The following PTBP3 variants were observed in gnomAD, a reference collection of about 807,000 sequenced individuals.
The protein encoded by PTBP3 is polypyrimidine tract binding protein 3.
PTBP3 carries 20 observed loss-of-function variants against 58.7 expected under a neutral mutation model. The observed-to-expected ratio is 0.34, with a 90% CI of 0.24 to 0.50. The LOEUF is 0.50. Ranked by LOEUF, PTBP3 falls within the 20% of genes least tolerant of loss-of-function variation. PTBP3 has a pLI of 0.98. For missense variants in PTBP3, 509 were observed against 637.2 expected, an observed-to-expected ratio of 0.80 and a Z score of 2.17; for synonymous variants, 185 against 219.8, an observed-to-expected ratio of 0.84 and a Z score of 1.40.
chr9:112,352,772 T>C, the PTBP3 span, among the ~76,000 whole-genome samples: 7 of 152,216 alleles, frequency 4.6e-5, no homozygotes, highest in Non-Finnish European at 8.8e-5. Flanking sequence ...TCACAGTCTG[T>C]AATGGGTCAT....
At chr9:112,350,052 T>G in the PTBP3 span, among the ~76,000 whole-genome samples, 2 of 151,848 alleles carry the variant, frequency 1.3e-5, no homozygotes, top group Non-Finnish European at 2.9e-5. Context: ...TTTTTTAAAT[T>G]TATGTACCAT....
chr9:112,324,222 A>C (rs1377881069), intron 1 of PTBP3, among the ~76,000 whole-genome samples: 1 of 152,182 alleles, frequency 6.6e-6, no homozygotes, highest in Non-Finnish European at 1.5e-5. Context: ...AAACCAAGAG[A>C]ATTCATGTCA....
rs1174870842 is a variant in PTBP3, at chr9:112,252,938, A to G, written c.517-150T>C. 4.7e-5 allele frequency: 28 copies of G among 594,864 alleles called. No individual in the cohort carries two copies. In the South Asian group the frequency reaches 5.3e-4, roughly 11 times the overall value. The allele number at this position is 594,864 out of a possible 1,614,324, so 36.8% of individuals were successfully genotyped here. ...AATGACTTAAGCCTAAAACATTAAC[A>G]TTTCAATACCCATGACTATCTTACA... On this transcript the variant is annotated intron_variant, in intron 5 of 13. Coordinates refer to ENST00000374257, the MANE Select transcript of PTBP3 (RefSeq NM_001163788.4).
At chr9:112,257,110 C>CTGTTGAAGTT (rs1257223289) in intron 5 of PTBP3, among the ~76,000 whole-genome samples, 9 of 152,180 alleles carry the variant, frequency 5.9e-5, no homozygotes, top group Non-Finnish European at 1.2e-4. Flanking sequence ...AAAGCACATC[C>CTGTTGAAGTT]TGGGACAGCT....
At chr9:112,329,381 T>C (rs1423843768) in intron 1 of PTBP3, among the ~76,000 whole-genome samples, 1 of 150,270 alleles carries the variant, frequency 6.7e-6, no homozygotes, top group Non-Finnish European at 1.5e-5. Context: ...GTACCACTGT[T>C]CCCCAGCCTG....
intron 1 of PTBP3, among the ~76,000 whole-genome samples, chr9:112,332,595 C>A (rs1003872807): frequency 6.6e-6 from 1 of 152,032 alleles, no homozygotes; most frequent in Admixed American, 6.6e-5. Context: ...AATTAATTCA[C>A]CAAAATCCTA....
intron 1 of PTBP3, among the ~76,000 whole-genome samples, chr9:112,318,850 G>A (rs780607642): frequency 1.7e-4 from 26 of 151,908 alleles, no homozygotes; most frequent in Non-Finnish European, 2.9e-4. Flanking sequence ...TTTATGGGCC[G>A]GGCACAGTGG....
At chr9:112,367,855 T>C in the PTBP3 span, among the ~76,000 whole-genome samples, 6 of 152,208 alleles carry the variant, frequency 3.9e-5, no homozygotes, top group Non-Finnish European at 7.3e-5. Context: ...GGGAGTTTTC[T>C]GTCATTGTTT....
At position 112,223,665 on chromosome 9, in the gene PTBP3, C is replaced by T; in HGVS notation, c.*186G>A. 4.7e-6 allele frequency: 6 copies of T among 1,282,122 alleles called. No individual in the cohort carries two copies. The highest frequency in any genetic ancestry group is 3.9e-6 in the Non-Finnish European group (4 of 1,013,770). 79.4% of individuals were successfully genotyped at this position (1,282,122 alleles called of 1,614,324 possible). The stretch of plus-strand genomic sequence containing the variant: ...ACCATGGTAAAAAGGGAAAAGAAAC[C>T]TTTGACTGGCGGGGGCAGGGGGAAT... On this transcript the variant is annotated 3_prime_UTR_variant, in exon 14 of 14. Transcript: ENST00000374257.
At chr9:112,369,770 C>G in the PTBP3 span, among the ~76,000 whole-genome samples, 1 of 152,066 alleles carries the variant, frequency 6.6e-6, no homozygotes, top group South Asian at 2.1e-4. Flanking sequence ...AGGCCAGGGA[C>G]AGAATGATAT....
At position 112,223,606 on chromosome 9, in the gene PTBP3, G is replaced by C. The variant is rs777082684; in HGVS notation, c.*245C>G. On this transcript the variant is annotated 3_prime_UTR_variant, in exon 14 of 14. Coordinates refer to ENST00000374257, the MANE Select transcript of PTBP3 (RefSeq NM_001163788.4). ...ATTATTGAAAAAAAATTTTTTTCCTGATTTTCTTTTTCCTGAAGGTTATTT... is the reference window on the plus strand; with the variant it reads ...ATTATTGAAAAAAAATTTTTTTCCTCATTTTCTTTTTCCTGAAGGTTATTT... 2 of 1,192,276 alleles carry C rather than the reference G, an allele frequency of 1.7e-6. No homozygotes were observed. The highest frequency in any genetic ancestry group is 3.2e-5 in the African/African-American group (2 of 62,762). 73.9% of individuals were successfully genotyped at this position (1,192,276 alleles called of 1,614,324 possible). A position where few individuals can be genotyped will look rare whatever the true frequency, so the allele number is the denominator to read the frequency against.
chr9:112,320,287 A>ATATATAT lies in PTBP3; in HGVS notation c.-52+13182_-52+13183insATATATA, dbSNP rs1222194244. Among the ~76,000 whole-genome samples, 3 of 39,528 alleles carry ATATATAT rather than the reference A, an allele frequency of 7.6e-5. No homozygotes were observed. In the African/African-American group the frequency reaches 8.1e-4, roughly 11 times the overall value. 25.9% of individuals were successfully genotyped at this position (39,528 alleles called of 152,430 possible). ...GACGAGACCCTTTCTCTTAAAAAAA[A>ATATATAT]AAAAATATATATATATATATATATA... On this transcript the variant is annotated intron_variant, in intron 1 of 13. Transcript: ENST00000374257.
chr9:112,356,500 A>AT, the PTBP3 span, among the ~76,000 whole-genome samples: 1 of 150,064 alleles, frequency 6.7e-6, no homozygotes, highest in East Asian at 1.9e-4. Context: ...TATAGTTAAG[A>AT]TTTTTTTCTC....
In PTBP3 at chr9:112,275,942, G is replaced by C. The variant is rs267602087; in HGVS notation, c.106C>G (p.Arg36Gly). ...TCGGTGACATCACATGGAATTTTTC[G>C]AAGATGGAGAACACGGGAAGGCGAA... ...PCSPSRVLHL[R>G]KIPCDVTEAE... The change falls in exon 3 of 14, where the codon CGA (arginine) becomes GGA (glycine). Residue 36 changes from arginine to glycine, a missense_variant. Physicochemically the swap from Arg to Gly is moderately radical, Grantham distance 125. Coordinates refer to ENST00000374257, the MANE Select transcript of PTBP3 (RefSeq NM_001163788.4). 1.2e-6 allele frequency: 2 copies of C among 1,613,648 alleles called. No homozygotes were observed. Among genetic ancestry groups the C allele is most frequent in the South Asian group, 2.2e-5 (2 of 91,066 alleles).
chr9:112,377,007 C>A, the PTBP3 span, among the ~76,000 whole-genome samples: 3 of 152,246 alleles, frequency 2.0e-5, no homozygotes, highest in African/African-American at 7.2e-5. Flanking sequence ...ATTTACGCAA[C>A]TTCCATGACC....
chr9:112,351,814 C>G, the PTBP3 span, among the ~76,000 whole-genome samples: 2 of 152,142 alleles, frequency 1.3e-5, no homozygotes, highest in African/African-American at 4.8e-5. Context: ...TGACATACCC[C>G]TCATCAATGT....
chr9:112,251,074 T>G lies in PTBP3; in HGVS notation c.657A>C (p.Ala219=). The G allele has an allele frequency of 6.2e-7, 1 of 1,605,164 alleles. No individual in the cohort carries two copies. The highest frequency in any genetic ancestry group is 8.5e-7 in the Non-Finnish European group (1 of 1,175,788). ...AGAAGTCAATGCGCAGAGTGCAGCATGCATTATAGATATTCTGGCCATCCA... is the reference window on the plus strand; with the variant it reads ...AGAAGTCAATGCGCAGAGTGCAGCAGGCATTATAGATATTCTGGCCATCCA... ...MALDGQNIYN[A]CCTLRIDFSK... The change falls in exon 7 of 14, where the codon GCA becomes GCC. Residue 219 remains alanine, a synonymous_variant. Coordinates refer to ENST00000374257, the MANE Select transcript of PTBP3 (RefSeq NM_001163788.4).
intron 8 of PTBP3, among the ~76,000 whole-genome samples, 153 bp from the exon 9 acceptor site, chr9:112,232,391 C>T (rs541925012): frequency 1.3e-5 from 2 of 152,344 alleles, no homozygotes; most frequent in South Asian, 4.1e-4. Context: ...TTCTGCCCTA[C>T]AGAGTCTGTC....
intron 7 of PTBP3, among the ~76,000 whole-genome samples, chr9:112,240,255 G>A (rs1835602738): frequency 6.6e-6 from 1 of 152,072 alleles, no homozygotes; most frequent in Non-Finnish European, 1.5e-5. Context: ...AACTTATATA[G>A]AATACAATGT....
Sources: gnomAD v4.1 joint callset for allele counts (sites outside exome capture counted in the v4.1 genomes callset) on GRCh38, gnomAD v4.1.1 for gene constraint, MANE v1.5 for transcripts, NCBI Gene and HGNC (gene_info 2026-07-23, HGNC 2026-07-21) for gene names.